USH2A: variants seen among roughly 807,000 people sequenced by gnomAD.
USH2A encodes usherin.
Under a neutral mutation model 538.9 loss-of-function variants are expected in USH2A, and 443 were observed. The observed-to-expected ratio is 0.82, with a 90% CI of 0.76 to 0.89. The LOEUF is 0.89. Ranked by LOEUF, USH2A falls within the 40% of genes least tolerant of loss-of-function variation. The pLI, the probability that USH2A is intolerant of heterozygous loss-of-function variation, is 0.00. For synonymous variants in USH2A, 2,413 were observed against 2,273.5 expected (o/e 1.06, Z -1.75); for missense variants, 6,633 against 6,324.8 (o/e 1.05, Z -1.65).
chr1:216,371,966 C>T (rs1328610502), intron 3 of USH2A, among the ~76,000 whole-genome samples: 1 of 152,116 alleles, frequency 6.6e-6, no homozygotes, highest in Non-Finnish European at 1.5e-5. Context: ...TATAAATGCT[C>T]CAGTTTATTA....
At chr1:216,401,764 T>C (rs574677968) in intron 3 of USH2A, among the ~76,000 whole-genome samples, 1 of 152,174 alleles carries the variant, frequency 6.6e-6, no homozygotes, top group East Asian at 1.9e-4. Flanking sequence ...ATCCTAAACA[T>C]GTATGCACCT....
chr1:215,823,066 A>G (rs554088426), intron 47 of USH2A, among the ~76,000 whole-genome samples: 1 of 152,170 alleles, frequency 6.6e-6, no homozygotes, highest in South Asian at 2.1e-4. Flanking sequence ...TGAAGTGATG[A>G]GTGGATTGCA....
At chr1:216,023,794 C>T (rs10082038) in intron 32 of USH2A, among the ~76,000 whole-genome samples, 4,430 of 151,930 alleles carry the variant, frequency 0.029, 203 homozygotes, top group African/African-American at 0.1. Context: ...AGGGATTATG[C>T]TTTTATTTGT....
chr1:216,047,947 A>G (rs1196979405), intron 31 of USH2A, among the ~76,000 whole-genome samples: 2 of 152,184 alleles, frequency 1.3e-5, no homozygotes, highest in Non-Finnish European at 2.9e-5. Flanking sequence ...CCTTCTTAAC[A>G]TATGCTTTCT....
Position 215,900,857 on chromosome 1 carries a change from C to T in USH2A, c.7349G>A (p.Ser2450Asn). The T allele has an allele frequency of 6.2e-7, 1 of 1,613,712 alleles. No homozygotes were observed. The highest frequency in any genetic ancestry group is 8.5e-7 in the Non-Finnish European group (1 of 1,179,776). ...PPRLSSATPTSLQVVWSTPAR... is the reference protein window; with the variant it reads ...PPRLSSATPTNLQVVWSTPAR... The stretch of plus-strand genomic sequence containing the variant: ...TGGTGTAGACCAGACAACCTGAAGA[C>T]TGGTTGGAGTGGCAGATGAAAGCCT... The change falls in exon 39 of 72, where the codon AGT becomes AAT. Residue 2450 changes from serine to asparagine, a missense_variant. Physicochemically the swap from Ser to Asn is conservative, Grantham distance 46. Coordinates refer to ENST00000307340, the MANE Select transcript of USH2A (RefSeq NM_206933.4).
chr1:215,787,616 G>C (rs1661838354), intron 51 of USH2A, among the ~76,000 whole-genome samples: 1 of 152,088 alleles, frequency 6.6e-6, no homozygotes, highest in Non-Finnish European at 1.5e-5. Flanking sequence ...GATCTACTTT[G>C]CCTTTCCTTT....
rs1376739699 is a variant in USH2A at position 215,965,393 on chromosome 1, C to A, written c.7044G>T (p.Arg2348Ser). The change falls in exon 37 of 72, where the codon AGG becomes AGT. Residue 2348 changes from arginine to serine, a missense_variant. Physicochemically the swap from Arg to Ser is moderately radical, Grantham distance 110 (BLOSUM62 -1). Coordinates refer to ENST00000307340, the MANE Select transcript of USH2A (RefSeq NM_206933.4). ...KTQGSRKAHV[R>S]WEAPFRPNGL... is the part of the protein sequence containing the mutation. The stretch of plus-strand genomic sequence containing the variant: ...CATTAGGGCGAAAAGGTGCTTCCCA[C>A]CTCACGTGGGCTTTCCGGGATCCCT... 1 of 1,613,818 alleles carries A rather than the reference C, an allele frequency of 6.2e-7. No homozygotes were observed. The highest frequency in any genetic ancestry group is 2.2e-5 in the East Asian group (1 of 44,894).
At chr1:215,737,602 T>A (rs1386085187) in intron 60 of USH2A, among the ~76,000 whole-genome samples, 1 of 151,906 alleles carries the variant, frequency 6.6e-6, no homozygotes, top group Non-Finnish European at 1.5e-5. Flanking sequence ...GTAAAAGGGC[T>A]TAGGTCTCAT....
intron 45 of USH2A, 129 bp from the exon 46 acceptor site, chr1:215,844,625 A>G: frequency 1.1e-6 from 1 of 948,386 alleles, no homozygotes; most frequent in Non-Finnish European, 1.6e-6. Context: ...TGATGAAGTT[A>G]TCACAGTCTG....
chr1:215,911,599 C>T (rs1665784801), intron 38 of USH2A, among the ~76,000 whole-genome samples: 1 of 152,022 alleles, frequency 6.6e-6, no homozygotes, highest in Non-Finnish European at 1.5e-5. Flanking sequence ...GTTTATCCAT[C>T]CATCTGCTGA....
rs1226212384 is a variant in USH2A at position 215,798,898 on chromosome 1, GC to G, written c.9958+8del. 1 of 1,613,934 alleles carries G rather than the reference GC, an allele frequency of 6.2e-7. No homozygotes were observed. Among genetic ancestry groups the G allele is most frequent in the East Asian group, 2.2e-5 (1 of 44,854 alleles). On this transcript the variant is annotated splice_region_variant and intron_variant, in intron 50 of 71. Coordinates refer to ENST00000307340, the MANE Select transcript of USH2A (RefSeq NM_206933.4). Reference sequence around the variant, plus strand: ...TCCATCTACTGAAAGGTAGACCTGGGCCCCTTACCTGGAAGGCGATTGTACA... The same window carrying G: ...TCCATCTACTGAAAGGTAGACCTGGGCCCTTACCTGGAAGGCGATTGTACA...
At chr1:215,872,008 G>A (rs979780492) in intron 43 of USH2A, among the ~76,000 whole-genome samples, 1 of 152,202 alleles carries the variant, frequency 6.6e-6, no homozygotes, top group African/African-American at 2.4e-5. Context: ...CTTTATTGAT[G>A]TCCTAACAGA....
chr1:215,994,977 AT>A (rs1190765569), intron 34 of USH2A, among the ~76,000 whole-genome samples: 1 of 151,926 alleles, frequency 6.6e-6, no homozygotes, highest in Admixed American at 6.6e-5. Flanking sequence ...CATTTTTCAG[AT>A]TTTTTTTCCT....
intron 58 of USH2A, 81 bp from the exon 59 acceptor site, chr1:215,743,416 GTATA>G (rs1263179301): frequency 4.2e-6 from 1 of 235,330 alleles, no homozygotes; most frequent in Non-Finnish European, 7.2e-6. Flanking sequence ...GTGTGTGTGT[GTATA>G]TATATATAGA....
intron 36 of USH2A, among the ~76,000 whole-genome samples, chr1:215,965,923 TCACA>T (rs34484768): frequency 0.024 from 3,443 of 142,458 alleles, 48 homozygotes; most frequent in African/African-American, 0.048. Flanking sequence ...CTCTTCTCTG[TCACA>T]CACACACACA....
At chr1:216,288,418 T>C (rs2036931314) in intron 11 of USH2A, among the ~76,000 whole-genome samples, 1 of 152,152 alleles carries the variant, frequency 6.6e-6, no homozygotes, top group South Asian at 2.1e-4. Flanking sequence ...TATATTTGTC[T>C]TTTATTTGGG....
chr1:216,345,180 C>T (rs762659136), intron 4 of USH2A, among the ~76,000 whole-genome samples: 1 of 151,950 alleles, frequency 6.6e-6, no homozygotes, highest in Non-Finnish European at 1.5e-5. Flanking sequence ...CTCTCCTTTC[C>T]CTTTCTTACC....
At chr1:216,215,042 G>T (rs12408003) in intron 15 of USH2A, among the ~76,000 whole-genome samples, 13,044 of 152,006 alleles carry the variant, frequency 0.086, 804 homozygotes, top group Middle Eastern at 0.13. Flanking sequence ...GGAAAGAAGT[G>T]AATCACCCAA....
chr1:215,709,369 T>A lies in USH2A; in HGVS notation c.12066+18661A>T, dbSNP rs143076674. Among the ~76,000 whole-genome samples, 520 of 152,258 alleles carry A rather than the reference T, an allele frequency of 3.4e-3. 3 individuals carry two copies. Among genetic ancestry groups the A allele is most frequent in the African/African-American group, 0.012 (498 of 41,558 alleles). ...TAAGTAAATATACATATTATGCAGA[T>A]GTGTGCTCCCCAAATTATTATTTCT... On this transcript the variant is annotated intron_variant, in intron 61 of 71. Coordinates refer to ENST00000307340, the MANE Select transcript of USH2A (RefSeq NM_206933.4).
Sources: gnomAD v4.1 joint callset for allele counts (sites outside exome capture counted in the v4.1 genomes callset) on GRCh38, gnomAD v4.1.1 for gene constraint, MANE v1.5 for transcripts, NCBI Gene and HGNC (gene_info 2026-07-23, HGNC 2026-07-21) for gene names.